The following VKORC1L1 variants were observed in gnomAD, a reference collection of about 807,000 sequenced individuals.
VKORC1L1 encodes vitamin K epoxide reductase complex subunit 1L1.
Under a neutral mutation model 18.9 loss-of-function variants are expected in VKORC1L1, and 2 were observed. The ratio of observed to expected loss-of-function variants is 0.11; its 90% CI spans 0.04 to 0.33. The LOEUF (loss-of-function observed/expected upper bound fraction) is 0.33, where lower values mean the gene tolerates loss of function less well. VKORC1L1 is among the 10% of genes least tolerant of loss of function. The probability of loss-of-function intolerance (pLI) is 1.00; values close to 1 mark genes in which losing one functional copy is unlikely to be tolerated. For missense variants in VKORC1L1, 123 were observed against 224.1 expected, an observed-to-expected ratio of 0.55 and a Z score of 2.88; for synonymous variants, 96 against 100.0, an observed-to-expected ratio of 0.96 and a Z score of 0.24.
chr7:65,899,341 A>G (rs1453231374), intron 1 of VKORC1L1, among the ~76,000 whole-genome samples: 1 of 152,212 alleles, frequency 6.6e-6, no homozygotes, highest in Non-Finnish European at 1.5e-5. Context: ...AGCTGCTTCT[A>G]TGCCAAGGGC....
chr7:65,929,491 A>G (rs1789821618), intron 1 of VKORC1L1, among the ~76,000 whole-genome samples: 1 of 152,036 alleles, frequency 6.6e-6, no homozygotes, highest in African/African-American at 2.4e-5. Context: ...TCCTTTCACC[A>G]CTACCACACT....
chr7:65,884,718 C>A (rs1443466230), intron 1 of VKORC1L1, among the ~76,000 whole-genome samples: 2 of 152,156 alleles, frequency 1.3e-5, no homozygotes, highest in African/African-American at 4.8e-5. Flanking sequence ...TGCCCTGTGC[C>A]CTTGCCAAAT....
In VKORC1L1 at chr7:65,873,278, C is replaced by G; in HGVS notation, c.-94C>G. 1.0e-5 allele frequency: 10 copies of G among 997,636 alleles called. No homozygotes were observed. The highest frequency in any genetic ancestry group is 1.2e-5 in the Non-Finnish European group (10 of 840,638). 61.8% of individuals were successfully genotyped at this position (997,636 alleles called of 1,614,324 possible). ...GCGGTGGTGGCGGCGGCGGCGGAGG[C>G]GGCGGTGGCGGCGGTGGCGGCTGGG... On this transcript the variant is annotated 5_prime_UTR_variant, in exon 1 of 3. Transcript: ENST00000360768.
chr7:65,938,449 T>C (rs1263742177), intron 1 of VKORC1L1, among the ~76,000 whole-genome samples: 3 of 152,182 alleles, frequency 2.0e-5, no homozygotes, highest in Admixed American at 2.0e-4. Context: ...AAGAAATGTA[T>C]GAAAATTTCC....
intron 1 of VKORC1L1, among the ~76,000 whole-genome samples, chr7:65,892,097 A>G (rs35480979): frequency 0.13 from 19,311 of 152,090 alleles, 1,384 homozygotes; most frequent in Middle Eastern, 0.21. Flanking sequence ...TTTTATCCAT[A>G]TTGTTGAAAA....
chr7:65,913,158 C>A (rs528186931), intron 1 of VKORC1L1, among the ~76,000 whole-genome samples: 1 of 152,302 alleles, frequency 6.6e-6, no homozygotes, highest in Non-Finnish European at 1.5e-5. Context: ...CCCATCTTGG[C>A]TGCTATAACT....
chr7:65,943,761 C>G (rs1790073836), intron 1 of VKORC1L1, among the ~76,000 whole-genome samples: 1 of 151,998 alleles, frequency 6.6e-6, no homozygotes. Flanking sequence ...TGCCATTGCA[C>G]TCCAGCCTGG....
At chr7:65,899,821 G>A (rs185969388) in intron 1 of VKORC1L1, among the ~76,000 whole-genome samples, 1 of 152,034 alleles carries the variant, frequency 6.6e-6, no homozygotes, top group African/African-American at 2.4e-5. Context: ...CCAACATGGA[G>A]AAACCCCGTC....
chr7:65,873,257 T>TGGCGGCGGC lies in VKORC1L1; in HGVS notation c.-113_-112insCGGCGGCGG, dbSNP rs1788756818. ...TGGGGCGCGGCGGCGGCGGCGGCGGTGGTGGCGGCGGCGGCGGAGGCGGCG... is the reference window on the plus strand; with the variant it reads ...TGGGGCGCGGCGGCGGCGGCGGCGGTGGCGGCGGCGGTGGCGGCGGCGGCGGAGGCGGCG... On this transcript the variant is annotated 5_prime_UTR_variant, in exon 1 of 3. Transcript: ENST00000360768. The TGGCGGCGGC allele has an allele frequency of 1.2e-6, 1 of 863,478 alleles. No homozygotes were observed. Among genetic ancestry groups the TGGCGGCGGC allele is most frequent in the East Asian group, 1.4e-4 (1 of 7,130 alleles). 53.5% of individuals were successfully genotyped at this position (863,478 alleles called of 1,614,324 possible).
chr7:65,870,855 A>G (rs1284885776), upstream of VKORC1L1, among the ~76,000 whole-genome samples: 1 of 152,072 alleles, frequency 6.6e-6, no homozygotes, highest in Non-Finnish European at 1.5e-5. Flanking sequence ...ACGTTGGCTC[A>G]TTGCAGCCTC....
intron 1 of VKORC1L1, among the ~76,000 whole-genome samples, chr7:65,907,274 C>G (rs1342426944): frequency 6.6e-6 from 1 of 152,020 alleles, no homozygotes; most frequent in Non-Finnish European, 1.5e-5. Context: ...AACCCCGTCT[C>G]TACTAAAAAT....
Position 65,898,542 on chromosome 7 carries a change from C to T in VKORC1L1, c.194+24977C>T, listed in dbSNP as rs1789256767. ...TTTTATCTCTATAGGCATATATTTG[C>T]AAGCATATATAATTGGAATATATTT... is the stretch of plus-strand genomic sequence containing the variant. On this transcript the variant is annotated intron_variant, in intron 1 of 2. Coordinates refer to ENST00000360768, the MANE Select transcript of VKORC1L1 (RefSeq NM_173517.6). Among the ~76,000 whole-genome samples the T allele has an allele frequency of 3.9e-5, 6 of 152,080 alleles. No homozygotes were observed. In the South Asian group the frequency reaches 1.2e-3, roughly 31 times the overall value.
chr7:65,933,594 T>G (rs924194679), intron 1 of VKORC1L1, among the ~76,000 whole-genome samples: 40 of 152,202 alleles, frequency 2.6e-4, no homozygotes, highest in Non-Finnish European at 1.0e-4. Context: ...AAAGTGAGTT[T>G]TTTGTAAATA....
chr7:65,898,578 G>A (rs997541951), intron 1 of VKORC1L1, among the ~76,000 whole-genome samples: 1 of 152,166 alleles, frequency 6.6e-6, no homozygotes, highest in Non-Finnish European at 1.5e-5. Context: ...GGAAAGATGG[G>A]AAGATATGCT....
In VKORC1L1 at chr7:65,898,077, G is replaced by GTTTTTTT. The variant is rs71051319; in HGVS notation, c.194+24535_194+24541dup. On this transcript the variant is annotated intron_variant, in intron 1 of 2. Transcript: ENST00000360768. ...CAGTCATACAGTAAATTTGTAGCAG[G>GTTTTTTT]TTTTTTTTTTTTTTTTTTTTTTTTT... 1.1e-4 allele frequency among the ~76,000 whole-genome samples: 9 copies of GTTTTTTT among 83,000 alleles called. 1 individual carries two copies. The East Asian group carries it at 1.2e-3, about 11-fold the overall frequency. The allele number at this position is 83,000 out of a possible 152,430, so 54.5% of individuals were successfully genotyped here.
intron 1 of VKORC1L1, among the ~76,000 whole-genome samples, chr7:65,883,129 A>G (rs1178348578): frequency 1.5e-5 from 2 of 136,930 alleles, no homozygotes; most frequent in Non-Finnish European, 3.1e-5. Flanking sequence ...CATGTTATAC[A>G]TTTGAGCTTT....
intron 1 of VKORC1L1, among the ~76,000 whole-genome samples, chr7:65,924,929 G>A (rs188512332): frequency 2.6e-5 from 4 of 152,048 alleles, no homozygotes; most frequent in South Asian, 2.1e-4. Flanking sequence ...GTTCTCCCCC[G>A]CTTCCAGCTG....
intron 1 of VKORC1L1, among the ~76,000 whole-genome samples, chr7:65,899,507 G>C (rs1373659125): frequency 6.6e-6 from 1 of 152,146 alleles, no homozygotes; most frequent in African/African-American, 2.4e-5. Flanking sequence ...TTTCCAGTAG[G>C]ATTTTTGACT....
chr7:65,944,162 G>A (rs1790080509), intron 1 of VKORC1L1, among the ~76,000 whole-genome samples: 2 of 151,660 alleles, frequency 1.3e-5, no homozygotes, highest in African/African-American at 4.8e-5. Context: ...GAATCTAGAA[G>A]ATGAGACCAG....
Sources: gnomAD v4.1 joint callset for allele counts (sites outside exome capture counted in the v4.1 genomes callset) on GRCh38, gnomAD v4.1.1 for gene constraint, MANE v1.5 for transcripts, NCBI Gene and HGNC (gene_info 2026-07-23, HGNC 2026-07-21) for gene names.